Variants in USP39 observed in about 807,000 individuals in gnomAD.
USP39 encodes ubiquitin carboxyl-terminal hydrolase 39.
A neutral mutation model predicts 66.4 loss-of-function variants in USP39; 38 were observed. That is an observed-to-expected ratio of 0.57 (90% CI 0.44 to 0.75). USP39 has a LOEUF of 0.75. USP39 is among the 30% of genes least tolerant of loss of function. USP39 has a pLI of 0.00. For missense variants in USP39, 608 were observed against 714.4 expected, an observed-to-expected ratio of 0.85 and a Z score of 1.70; for synonymous variants, 303 against 274.6, an observed-to-expected ratio of 1.10 and a Z score of -1.02.
intron 3 of USP39, among the ~76,000 whole-genome samples, chr2:85,623,422 A>G (rs1265963852): frequency 1.3e-5 from 2 of 151,502 alleles, no homozygotes; most frequent in East Asian, 1.9e-4. Flanking sequence ...TCCCTAATCA[A>G]TGTCTTAGGC....
upstream of USP39, among the ~76,000 whole-genome samples, chr2:85,613,980 C>T (rs1673748555): frequency 6.6e-6 from 1 of 151,450 alleles, no homozygotes; most frequent in Admixed American, 6.6e-5. Flanking sequence ...GTTGCCAAGG[C>T]TAGTCTTGAA....
chr2:85,606,866 C>A (rs1427335521), intron 1 of USP39: 2 of 151,214 alleles, frequency 1.3e-5, no homozygotes, highest in Non-Finnish European at 2.9e-5. Context: ...ACTGCAACCT[C>A]CGCCTTCCAG....
upstream of USP39, among the ~76,000 whole-genome samples, chr2:85,610,035 G>C (rs186411008): frequency 8.0e-6 from 1 of 124,236 alleles, no homozygotes; most frequent in Non-Finnish European, 1.6e-5. Flanking sequence ...TTTTTTTTGA[G>C]ACGGAGTCTT....
chr2:85,637,561 G>T (rs1022283243), intron 8 of USP39, 125 bp downstream of exon 8: 2 of 980,274 alleles, frequency 2.0e-6, no homozygotes, highest in Non-Finnish European at 3.1e-6. Flanking sequence ...CAAAGCACCT[G>T]CCTAGTGGCA....
intron 1 of USP39, among the ~76,000 whole-genome samples, chr2:85,618,359 C>T (rs945961842): frequency 1.3e-5 from 2 of 151,692 alleles, no homozygotes; most frequent in Admixed American, 1.3e-4. Flanking sequence ...GTCAGGAGTT[C>T]GAGACCAGCC....
Position 85,643,872 on chromosome 2 carries a change from C to T in USP39, c.1428-1076C>T, listed in dbSNP as rs543943766. ...TTCACGATGTTACCCAGGCTGGTTT[C>T]GAACTCCTGAGCTCAGGCAGTCTGC... On this transcript the variant is annotated intron_variant, in intron 10 of 12. Transcript: ENST00000323701. 5.9e-5 allele frequency among the ~76,000 whole-genome samples: 9 copies of T among 151,970 alleles called. No individual in the cohort carries two copies. The East Asian group carries it at 1.2e-3, about 20-fold the overall frequency.
At chr2:85,632,009 T>C (rs1675387084) in intron 6 of USP39, among the ~76,000 whole-genome samples, 1 of 152,056 alleles carries the variant, frequency 6.6e-6, no homozygotes, top group South Asian at 2.1e-4. Context: ...CCCAAAGTGT[T>C]GGGATTACGG....
At chr2:85,636,663 G>A (rs1019525145) in intron 7 of USP39, among the ~76,000 whole-genome samples, 23 of 151,922 alleles carry the variant, frequency 1.5e-4, no homozygotes, top group Non-Finnish European at 2.2e-4. Flanking sequence ...CCACTACCAC[G>A]CCCAGCTGAT....
intron 10 of USP39, among the ~76,000 whole-genome samples, chr2:85,641,499 A>G (rs1270883674): frequency 1.3e-5 from 2 of 152,224 alleles, no homozygotes; most frequent in African/African-American, 2.4e-5. Context: ...CTAGAGTTGT[A>G]CTAGATGCTT....
At chr2:85,604,163 CCTT>C (rs1161272826) in intron 1 of USP39, among the ~76,000 whole-genome samples, 6 of 152,158 alleles carry the variant, frequency 3.9e-5, no homozygotes, top group Admixed American at 6.5e-5. Flanking sequence ...GAGGGAGAAA[CCTT>C]CTTGGACCCA....
intron 12 of USP39, 43 bp from the exon 13 acceptor site, chr2:85,648,718 T>TG (rs764764311): frequency 1.2e-6 from 2 of 1,609,880 alleles, no homozygotes; most frequent in South Asian, 2.2e-5. Flanking sequence ...GTCTGTTGAC[T>TG]GAATGCCTCC....
chr2:85,603,989 A>G (rs890601173), intron 1 of USP39, among the ~76,000 whole-genome samples: 7 of 152,190 alleles, frequency 4.6e-5, no homozygotes, highest in African/African-American at 1.7e-4. Flanking sequence ...CATCTGTTGG[A>G]GCCCTTGTGA....
intron 10 of USP39, among the ~76,000 whole-genome samples, chr2:85,643,256 C>T (rs968904819): frequency 3.3e-5 from 5 of 151,966 alleles, no homozygotes; most frequent in Admixed American, 6.6e-5. Flanking sequence ...TTTGGGAGGC[C>T]AAGGCGGGCG....
chr2:85,632,258 A>G (rs1369926286), intron 6 of USP39, among the ~76,000 whole-genome samples: 1 of 151,996 alleles, frequency 6.6e-6, no homozygotes, highest in Non-Finnish European at 1.5e-5. Context: ...CTGGTGGGGA[A>G]ATAGTTATGT....
At chr2:85,617,061 G>C (rs925897275) in intron 1 of USP39, among the ~76,000 whole-genome samples, 1 of 151,396 alleles carries the variant, frequency 6.6e-6, no homozygotes, top group African/African-American at 2.4e-5. Context: ...CCGATGTGGG[G>C]GCTCAGTGCT....
At chr2:85,628,443 C>A (rs188704822) in intron 5 of USP39, among the ~76,000 whole-genome samples, 37 of 152,240 alleles carry the variant, frequency 2.4e-4, no homozygotes, top group African/African-American at 8.7e-4. Flanking sequence ...CCGCGCCCTG[C>A]CGAGTGAAAA....
chr2:85,614,749 T>C (rs1038992942), upstream of USP39, among the ~76,000 whole-genome samples: 1 of 152,250 alleles, frequency 6.6e-6, no homozygotes, highest in African/African-American at 2.4e-5. Flanking sequence ...AATGCCTTTA[T>C]TCTCCAGATA....
intron 7 of USP39, among the ~76,000 whole-genome samples, chr2:85,636,754 A>G (rs1316315535): frequency 6.6e-6 from 1 of 152,016 alleles, no homozygotes; most frequent in Non-Finnish European, 1.5e-5. Flanking sequence ...GATCTGCCCA[A>G]AGTGCTAGGA....
upstream of USP39, among the ~76,000 whole-genome samples, chr2:85,609,751 G>A (rs1378379594): frequency 1.3e-5 from 2 of 152,170 alleles, no homozygotes; most frequent in African/African-American, 2.4e-5. Flanking sequence ...GTGCAATCTC[G>A]GCTCACTGCA....
Sources: allele counts gnomAD v4.1 joint callset (sites outside exome capture counted in the v4.1 genomes callset), GRCh38; gene constraint gnomAD v4.1.1; transcripts MANE v1.5; gene names NCBI Gene and HGNC (gene_info 2026-07-23, HGNC 2026-07-21).